Variants in EXPH5 observed in about 807,000 individuals in gnomAD.
The protein encoded by EXPH5 is exophilin 5.
EXPH5 carries 42 observed loss-of-function variants against 41.1 expected under a neutral mutation model. The ratio of observed to expected loss-of-function variants is 1.02; its 90% CI spans 0.80 to 1.32. EXPH5 has a LOEUF of 1.32. EXPH5 is among the 40% of genes most tolerant of loss of function. The pLI is 0.00. For missense variants in EXPH5, 2,298 were observed against 2,314.5 expected (o/e 0.99, Z 0.15); for synonymous variants, 798 against 833.5 (o/e 0.96, Z 0.73).
intron 1 of EXPH5, among the ~76,000 whole-genome samples, chr11:108,578,910 T>G (rs1269403566): frequency 6.6e-6 from 1 of 152,202 alleles, no homozygotes; most frequent in African/African-American, 2.4e-5. Flanking sequence ...TGCAGAGTCT[T>G]TAGGATTTTT....
At chr11:108,569,525 A>G (rs2094050644) in intron 1 of EXPH5, among the ~76,000 whole-genome samples, 1 of 152,016 alleles carries the variant, frequency 6.6e-6, no homozygotes. Flanking sequence ...TTTTGAGTAG[A>G]GACAGGGGTT....
intron 1 of EXPH5, among the ~76,000 whole-genome samples, chr11:108,553,638 C>T (rs1015634497): frequency 1.3e-5 from 2 of 152,204 alleles, no homozygotes; most frequent in Non-Finnish European, 2.9e-5. Flanking sequence ...TCCTTGAGGA[C>T]AGGTGCTGTG....
intron 1 of EXPH5, among the ~76,000 whole-genome samples, chr11:108,592,565 T>C (rs953746866): frequency 1.3e-5 from 2 of 152,234 alleles, no homozygotes; most frequent in South Asian, 2.1e-4. Context: ...TATTCCAATA[T>C]TGGCGAGAGA....
At chr11:108,517,526 C>T (rs1450942876) in intron 5 of EXPH5, among the ~76,000 whole-genome samples, 3 of 152,104 alleles carry the variant, frequency 2.0e-5, no homozygotes, top group East Asian at 1.9e-4. Flanking sequence ...TTCAAATGGC[C>T]GGGCTTATAT....
intron 1 of EXPH5, among the ~76,000 whole-genome samples, chr11:108,545,662 G>T (rs990103019): frequency 6.6e-6 from 1 of 152,080 alleles, no homozygotes; most frequent in Non-Finnish European, 1.5e-5. Flanking sequence ...CCAGTGCTTT[G>T]GGAAGCAAGG....
rs142051875 is a variant in EXPH5, at chr11:108,524,940, T to G, written c.492+3196A>C. On this transcript the variant is annotated intron_variant, in intron 4 of 5. Transcript: ENST00000265843. ...TCCCCAACCAAATCTCATCTTGAAC[T>G]GTAGCTCCTATAATTCCCACGTGTT... is the stretch of plus-strand genomic sequence containing the variant. Among the ~76,000 whole-genome samples the G allele has an allele frequency of 6.0e-3, 907 of 152,328 alleles. 7 individuals are homozygous for G. The highest frequency in any genetic ancestry group is 0.019 in the African/African-American group (774 of 41,566).
chr11:108,573,188 G>GAAAGAAAGAAAGAAAGAA (rs2094068216), intron 1 of EXPH5, among the ~76,000 whole-genome samples: 1 of 138,646 alleles, frequency 7.2e-6, no homozygotes, highest in Non-Finnish European at 1.5e-5. Flanking sequence ...AAGAAAGAAA[G>GAAAGAAAGAAAGAAAGAA]AAAGAAAGAA....
At chr11:108,538,315 T>C (rs2093892528) in intron 3 of EXPH5, 1 of 915,958 alleles carries the variant, frequency 1.1e-6, no homozygotes, top group Non-Finnish European at 1.3e-6. Context: ...ATGCCGAAAA[T>C]ATTTAGCAGT....
chr11:108,528,853 C>T (rs1273427042), intron 3 of EXPH5, among the ~76,000 whole-genome samples: 1 of 151,870 alleles, frequency 6.6e-6, no homozygotes. Flanking sequence ...CAGGCGCCTG[C>T]CACCATGCCT....
intron 1 of EXPH5, among the ~76,000 whole-genome samples, chr11:108,591,257 G>A (rs1014614282): frequency 6.6e-6 from 1 of 152,100 alleles, no homozygotes; most frequent in African/African-American, 2.4e-5. Flanking sequence ...TTTTTGATTT[G>A]GAAAATATGA....
At chr11:108,569,220 C>T (rs1038122787) in intron 1 of EXPH5, among the ~76,000 whole-genome samples, 2 of 152,188 alleles carry the variant, frequency 1.3e-5, no homozygotes, top group African/African-American at 4.8e-5. Flanking sequence ...CAGGCACCAC[C>T]ACCTCCAGCA....
chr11:108,527,353 C>T (rs895071854), intron 4 of EXPH5, among the ~76,000 whole-genome samples: 4 of 151,966 alleles, frequency 2.6e-5, no homozygotes, highest in African/African-American at 9.7e-5. Flanking sequence ...ATGCACTCCT[C>T]CTCACCAGAA....
chr11:108,544,070 A>C (rs1216984835), intron 1 of EXPH5, among the ~76,000 whole-genome samples: 1 of 152,194 alleles, frequency 6.6e-6, no homozygotes, highest in African/African-American at 2.4e-5. Context: ...GTTTCTGAAA[A>C]CATCGGTCTC....
intron 5 of EXPH5, among the ~76,000 whole-genome samples, chr11:108,517,930 T>G (rs1036503551): frequency 1.3e-5 from 2 of 152,168 alleles, no homozygotes; most frequent in Admixed American, 6.5e-5. Flanking sequence ...AGCTAATTTT[T>G]GTATTTTCAG....
chr11:108,507,359 C>G lies in EXPH5; in HGVS notation c.*2178G>C, dbSNP rs573430944. The G allele has an allele frequency of 6.6e-6, 1 of 152,332 alleles. No individual in the cohort carries two copies. Among genetic ancestry groups the G allele is most frequent in the African/African-American group, 2.4e-5 (1 of 41,582 alleles). The allele number at this position is 152,332 out of a possible 1,614,324, so 9.4% of individuals were successfully genotyped here. A position where few individuals can be genotyped will look rare whatever the true frequency, so the allele number is the denominator to read the frequency against. The stretch of plus-strand genomic sequence containing the variant: ...TCTATCAGTTCCAGATCTCTATACA[C>G]TTCACCAACATCTATCATTATTCTT... On this transcript the variant is annotated 3_prime_UTR_variant, in exon 6 of 6. Coordinates refer to ENST00000265843, the MANE Select transcript of EXPH5 (RefSeq NM_015065.3).
chr11:108,596,227 G>A (rs2094138784), upstream of EXPH5, among the ~76,000 whole-genome samples: 1 of 152,032 alleles, frequency 6.6e-6, no homozygotes, highest in South Asian at 2.1e-4. Flanking sequence ...AGATTACTCT[G>A]ATAGCAGTAG....
intron 1 of EXPH5, among the ~76,000 whole-genome samples, chr11:108,583,657 A>C (rs2094105113): frequency 6.6e-6 from 1 of 151,150 alleles, no homozygotes; most frequent in African/African-American, 2.4e-5. Context: ...CCCCATCTCT[A>C]TTAAAAAAAA....
chr11:108,594,372 CTG>C (rs1006709950), upstream of EXPH5, among the ~76,000 whole-genome samples: 5 of 152,178 alleles, frequency 3.3e-5, no homozygotes, highest in African/African-American at 4.8e-5. Flanking sequence ...AAGCAAAGGA[CTG>C]TAGAAAACAC....
At chr11:108,605,159 T>C in the EXPH5 span, among the ~76,000 whole-genome samples, 147,341 of 152,242 alleles carry the variant, frequency 0.97, 71,515 homozygotes, top group East Asian at 1. Context: ...TGTGATGGTG[T>C]AGCACCTTGA....
Sources: gnomAD v4.1 joint callset for allele counts (sites outside exome capture counted in the v4.1 genomes callset) on GRCh38, gnomAD v4.1.1 for gene constraint, MANE v1.5 for transcripts, NCBI Gene and HGNC (gene_info 2026-07-23, HGNC 2026-07-21) for gene names.